The following CLEC12A variants were observed in gnomAD, a reference collection of about 807,000 sequenced individuals.
CLEC12A encodes the protein C-type lectin domain family 12 member A.
In CLEC12A, 22 loss-of-function variants were observed where a neutral mutation model predicts 26.5. The ratio of observed to expected loss-of-function variants is 0.83; its 90% CI spans 0.59 to 1.19. The LOEUF (loss-of-function observed/expected upper bound fraction) is 1.19. CLEC12A is among the 50% of genes most tolerant of loss of function. CLEC12A has a pLI of 0.00. For synonymous variants in CLEC12A, 119 were observed against 101.9 expected (o/e 1.17, Z -1.01); for missense variants, 353 against 315.6 (o/e 1.12, Z -0.90).
chr12:9,982,637 G>A (rs1264593309), intron 5 of CLEC12A, among the ~76,000 whole-genome samples: 1 of 151,980 alleles, frequency 6.6e-6, no homozygotes, highest in African/African-American at 2.4e-5. Context: ...CTTCAAATGG[G>A]CATTTTAAAA....
At chr12:9,982,400 A>G (rs1591835738) in intron 5 of CLEC12A, among the ~76,000 whole-genome samples, 1 of 152,264 alleles carries the variant, frequency 6.6e-6, no homozygotes, top group East Asian at 1.9e-4. Flanking sequence ...GTGGAAGCCC[A>G]GAAAAGTCAT....
At chr12:9,973,413 G>A (rs983087346) in intron 1 of CLEC12A, among the ~76,000 whole-genome samples, 2 of 151,994 alleles carry the variant, frequency 1.3e-5, no homozygotes, top group Admixed American at 6.6e-5. Context: ...AAGATCAGGC[G>A]AGTGTACTCC....
intron 1 of CLEC12A, among the ~76,000 whole-genome samples, chr12:9,952,374 G>A (rs1359306131): frequency 6.6e-6 from 1 of 150,752 alleles, no homozygotes; most frequent in African/African-American, 2.4e-5. Context: ...ACGGGGTTTC[G>A]CTGTGTTGGC....
At chr12:9,968,315 G>A (rs928076424), upstream of CLEC12A, among the ~76,000 whole-genome samples, 8 of 152,182 alleles carry the variant, frequency 5.3e-5, no homozygotes, top group African/African-American at 1.2e-4. Context: ...CTTTGTGTGA[G>A]CAACAAGGCT....
Position 9,971,427 on chromosome 12 carries a change from TG to T in CLEC12A, c.-167del. 3.9e-6 allele frequency: 5 copies of T among 1,276,186 alleles called. No individual in the cohort carries two copies. Among genetic ancestry groups the T allele is most frequent in the Non-Finnish European group, 5.0e-6 (5 of 1,009,398 alleles). 79.1% of individuals were successfully genotyped at this position (1,276,186 alleles called of 1,614,324 possible). On this transcript the variant is annotated 5_prime_UTR_variant, in exon 1 of 6. An upstream open reading frame in the 5' UTR gains an earlier in-frame stop. Transcript: ENST00000304361. ...GAGATTTGGCTCATTTGCAGACATA[TG>T]GGTGATTGGTACAGTAGGTTTATAA...
At chr12:9,967,720 T>G (rs755004672), upstream of CLEC12A, among the ~76,000 whole-genome samples, 2 of 146,900 alleles carry the variant, frequency 1.4e-5, no homozygotes, top group African/African-American at 2.5e-5. Context: ...GGTAGAGACA[T>G]GGAGAAAAGC....
chr12:9,951,442 C>T, intron 1 of CLEC12A: 2 of 701,252 alleles, frequency 2.9e-6, no homozygotes, highest in Non-Finnish European at 5.2e-6. Context: ...GCAAGTTCAG[C>T]AAGGCCAACT....
chr12:9,997,095 C>A, downstream of CLEC12A: 1 of 1,609,366 alleles, frequency 6.2e-7, no homozygotes, highest in Non-Finnish European at 8.5e-7. Flanking sequence ...AAACTCCCTT[C>A]AGTTGCCATC....
chr12:10,005,791 C>T, the CLEC12A span, among the ~76,000 whole-genome samples: 2 of 152,054 alleles, frequency 1.3e-5, no homozygotes, highest in African/African-American at 4.8e-5. Context: ...ATTTATTTTC[C>T]TTCTGCTTTT....
intron 4 of CLEC12A, chr12:9,991,266 C>T (rs570883528): frequency 7.2e-5 from 11 of 152,180 alleles, no homozygotes; most frequent in East Asian, 1.9e-4. Context: ...GTGCTACTAA[C>T]GTTTGTGCTA....
chr12:9,998,247 C>T (rs373907648), downstream of CLEC12A: 26 of 1,529,972 alleles, frequency 1.7e-5, no homozygotes, highest in African/African-American at 3.3e-4. Flanking sequence ...GTATTACCTT[C>T]CTCCAGTCAA....
intron 1 of CLEC12A, among the ~76,000 whole-genome samples, chr12:9,953,572 T>C (rs1379109930): frequency 6.7e-6 from 1 of 149,044 alleles, no homozygotes; most frequent in South Asian, 2.1e-4. Context: ...AGCCGCCCCG[T>C]CCGGGAGGGA....
At chr12:10,000,978 T>C in the CLEC12A span, among the ~76,000 whole-genome samples, 6 of 152,098 alleles carry the variant, frequency 3.9e-5, no homozygotes, top group African/African-American at 1.4e-4. Context: ...TGTGTGGAGG[T>C]TATAGTACAA....
At chr12:9,979,613 C>T in intron 3 of CLEC12A, 89 bp downstream of exon 3, 1 of 978,920 alleles carries the variant, frequency 1.0e-6, no homozygotes. Context: ...AGCTAGCAGC[C>T]TTTCTCTAGG....
At chr12:9,980,465 G>T (rs1283442238) in intron 3 of CLEC12A, 117 bp from the exon 4 acceptor site, 1 of 1,070,560 alleles carries the variant, frequency 9.3e-7, no homozygotes, top group Non-Finnish European at 1.3e-6. Context: ...AAGAGAGAAA[G>T]AAAAAGAAAG....
At chr12:9,962,282 T>A (rs1308336110) in intron 1 of CLEC12A, among the ~76,000 whole-genome samples, 1 of 144,268 alleles carries the variant, frequency 6.9e-6, no homozygotes, top group Non-Finnish European at 1.5e-5. Context: ...GGATCCCAAG[T>A]GTGTGTTTCT....
intron 1 of CLEC12A, among the ~76,000 whole-genome samples, chr12:9,958,082 G>C (rs941847905): frequency 6.6e-6 from 1 of 152,194 alleles, no homozygotes; most frequent in African/African-American, 2.4e-5. Context: ...TAGTCAATGT[G>C]GGGAAGGAGT....
At chr12:9,993,883 A>T (rs538420458) in intron 4 of CLEC12A, among the ~76,000 whole-genome samples, 21 of 152,270 alleles carry the variant, frequency 1.4e-4, no homozygotes, top group African/African-American at 5.1e-4. Flanking sequence ...ATACCTGCAG[A>T]ACTATGTGAC....
At position 9,985,315 on chromosome 12, in the gene CLEC12A, C is replaced by T; in HGVS notation, c.*289C>T. 1 of 399,376 alleles carries T rather than the reference C, an allele frequency of 2.5e-6. No homozygotes were observed. Among genetic ancestry groups the T allele is most frequent in the East Asian group, 3.6e-5 (1 of 28,000 alleles). The allele number at this position is 399,376 out of a possible 1,614,324, so 24.7% of individuals were successfully genotyped here. On this transcript the variant is annotated 3_prime_UTR_variant, in exon 6 of 6. Coordinates refer to ENST00000304361, the MANE Select transcript of CLEC12A (RefSeq NM_138337.6). ...TGGGGGGCCTTCGAATTTTCATTTT[C>T]ATTTACGTTCTTCCCCTTCTGGCCA...
Sources: allele counts gnomAD v4.1 joint callset (sites outside exome capture counted in the v4.1 genomes callset), GRCh38; gene constraint gnomAD v4.1.1; transcripts MANE v1.5; gene names NCBI Gene and HGNC (gene_info 2026-07-23, HGNC 2026-07-21).